The following ANKRD17 variants were observed in gnomAD, a reference collection of about 807,000 sequenced individuals.
The protein encoded by ANKRD17 is ankyrin repeat domain 17, also known as ankyrin repeat domain-containing protein 17.
In ANKRD17, 19 loss-of-function variants were observed where a neutral mutation model predicts 229.7. The ratio of observed to expected loss-of-function variants is 0.08; its 90% confidence interval spans 0.06 to 0.12. The LOEUF (loss-of-function observed/expected upper bound fraction) is 0.12, where lower values mean the gene tolerates loss of function less well. ANKRD17 is among the 10% of genes least tolerant of loss of function. The pLI, the probability that ANKRD17 is intolerant of heterozygous loss-of-function variation, is 1.00. For synonymous variants in ANKRD17, 1,112 were observed against 1,146.1 expected (o/e 0.97, Z 0.60); for missense variants, 2,176 against 3,176.8 (o/e 0.68, Z 7.57).
In ANKRD17 at chr4:73,106,823, G is replaced by A. The variant is rs530451205; in HGVS notation, c.4402-4276C>T. ...GAACCCAGGAGGCGGAGGTTGCAGT[G>A]AGCCGAGATTGCGCCATGGCCCTCC... On this transcript the variant is annotated intron_variant, in intron 24 of 33. Transcript: ENST00000358602. Among the ~76,000 whole-genome samples the A allele has an allele frequency of 5.8e-4, 82 of 140,658 alleles. 2 individuals carry two copies. In the South Asian group the frequency reaches 0.019, roughly 33 times the overall value. 92.3% of individuals were successfully genotyped at this position (140,658 alleles called of 152,430 possible).
intron 1 of ANKRD17, among the ~76,000 whole-genome samples, chr4:73,254,582 A>G (rs1013307943): frequency 6.6e-6 from 1 of 152,168 alleles, no homozygotes; most frequent in Non-Finnish European, 1.5e-5. Flanking sequence ...ACCCTGGCCA[A>G]CATGGTGAAA....
chr4:73,119,094 C>T (rs1257202590), intron 21 of ANKRD17, among the ~76,000 whole-genome samples: 1 of 151,618 alleles, frequency 6.6e-6, no homozygotes, highest in Non-Finnish European at 1.5e-5. Flanking sequence ...CCTATGTTAC[C>T]CAGGCTGGTC....
Position 73,092,150 on chromosome 4 carries a change from A to C in ANKRD17, c.5478T>G (p.Thr1826=). The C allele has an allele frequency of 6.2e-7, 1 of 1,614,178 alleles. No homozygotes were observed. Among genetic ancestry groups the C allele is most frequent in the Non-Finnish European group, 8.5e-7 (1 of 1,180,036 alleles). The part of the protein sequence containing the change: ...SKIGSSAPTT[T]AANTSLMGIK... Reference sequence around the variant, plus strand: ...TTCCCATTAAGGAAGTGTTAGCAGCAGTGGTGGTAGGTGCTGATGACCCTA... The same window carrying C: ...TTCCCATTAAGGAAGTGTTAGCAGCCGTGGTGGTAGGTGCTGATGACCCTA... Residue 1826 remains threonine, a synonymous_variant, in exon 29 of 34, where the codon ACT becomes ACG. Transcript: ENST00000358602.
chr4:73,228,900 T>C (rs758645165), intron 1 of ANKRD17, among the ~76,000 whole-genome samples: 2 of 152,228 alleles, frequency 1.3e-5, no homozygotes, highest in African/African-American at 2.4e-5. Context: ...CCAACAATGA[T>C]AGACTGGATT....
chr4:73,214,847 T>TAAAA (rs766995925), intron 1 of ANKRD17, among the ~76,000 whole-genome samples: 4 of 85,482 alleles, frequency 4.7e-5, no homozygotes, highest in South Asian at 3.7e-4. Context: ...TCGTCTCTAT[T>TAAAA]AAAAAAAAAA....
chr4:73,078,364 G>A (rs923483136), intron 31 of ANKRD17, among the ~76,000 whole-genome samples: 6 of 150,786 alleles, frequency 4.0e-5, no homozygotes, highest in Admixed American at 6.6e-5. Flanking sequence ...GTTACAGAGC[G>A]AGACTCCGTC....
chr4:73,167,684 G>A (rs1246431598), intron 2 of ANKRD17, among the ~76,000 whole-genome samples: 1 of 152,140 alleles, frequency 6.6e-6, no homozygotes, highest in Non-Finnish European at 1.5e-5. Context: ...CAAATTGCCG[G>A]AAAATGCTAA....
At chr4:73,196,871 C>T (rs1407474840) in intron 1 of ANKRD17, among the ~76,000 whole-genome samples, 1 of 152,132 alleles carries the variant, frequency 6.6e-6, no homozygotes, top group African/African-American at 2.4e-5. Flanking sequence ...ATCTGATTTA[C>T]ATTTTAAAGG....
intron 7 of ANKRD17, among the ~76,000 whole-genome samples, chr4:73,150,082 GCTTA>G (rs2148861417): frequency 6.6e-6 from 1 of 151,944 alleles, no homozygotes; most frequent in African/African-American, 2.4e-5. Flanking sequence ...AATTTTAATG[GCTTA>G]CTACTTTTTT....
At position 73,099,202 on chromosome 4, in the gene ANKRD17, C is replaced by T. The variant is rs1340277894; in HGVS notation, c.4574-682G>A. 3 of 631,626 alleles carry T rather than the reference C, an allele frequency of 4.7e-6. No homozygotes were observed. The African/African-American group carries it at 5.5e-5, about 12-fold the overall frequency. 39.1% of individuals were successfully genotyped at this position (631,626 alleles called of 1,614,324 possible). On this transcript the variant is annotated intron_variant, in intron 25 of 33. Coordinates refer to ENST00000358602, the MANE Select transcript of ANKRD17 (RefSeq NM_032217.5). ...GCAGCTTCCTTCTGGGACTGGACAG[C>T]TTTTGCTCCGCTCCCACCGCCCCCG...
chr4:73,197,343 A>C (rs897203557), intron 1 of ANKRD17, among the ~76,000 whole-genome samples: 1 of 152,240 alleles, frequency 6.6e-6, no homozygotes, highest in Non-Finnish European at 1.5e-5. Flanking sequence ...TAAACCTCCC[A>C]ATCTGTAAAA....
At chr4:73,141,220 T>C (rs928647778) in intron 14 of ANKRD17, among the ~76,000 whole-genome samples, 1 of 152,230 alleles carries the variant, frequency 6.6e-6, no homozygotes, top group South Asian at 2.1e-4. Flanking sequence ...AGAACACACA[T>C]GGTGTAACAT....
intron 1 of ANKRD17, among the ~76,000 whole-genome samples, chr4:73,187,191 A>G (rs1250598711): frequency 2.0e-5 from 3 of 152,190 alleles, no homozygotes. Context: ...TCCAAACTGT[A>G]TAATGAAATT....
rs181190978 is a variant in ANKRD17, at chr4:73,106,200, C to T, written c.4402-3653G>A. On this transcript the variant is annotated intron_variant, in intron 24 of 33. Coordinates refer to ENST00000358602, the MANE Select transcript of ANKRD17 (RefSeq NM_032217.5). The stretch of plus-strand genomic sequence containing the variant: ...CGGAGCTTGCAGTGAGCCGAGATCG[C>T]GCCACTGCACTCCAGCCTGGGCAAC... Among the ~76,000 whole-genome samples the T allele has an allele frequency of 1.1e-4, 16 of 151,878 alleles. 1 individual carries two copies. The highest frequency in any genetic ancestry group is 3.6e-4 in the African/African-American group (15 of 41,426).
At chr4:73,076,373 G>A (rs1356288537) in intron 33 of ANKRD17, 83 bp from the exon 34 acceptor site, 2 of 1,089,640 alleles carry the variant, frequency 1.8e-6, no homozygotes, top group Non-Finnish European at 2.5e-6. Flanking sequence ...AACTAAGGAG[G>A]TACTCTTCAA....
chr4:73,163,789 A>AT (rs940147271), intron 2 of ANKRD17, among the ~76,000 whole-genome samples: 46 of 152,144 alleles, frequency 3.0e-4, no homozygotes, highest in African/African-American at 7.2e-4. Flanking sequence ...CCTTTAAAAT[A>AT]TTTTTTTTCT....
intron 24 of ANKRD17, among the ~76,000 whole-genome samples, chr4:73,104,434 GT>G (rs1460132238): frequency 6.6e-6 from 1 of 152,198 alleles, no homozygotes; most frequent in Non-Finnish European, 1.5e-5. Flanking sequence ...TGTGGAACAG[GT>G]AAGTAAGTAT....
At chr4:73,148,115 A>G (rs1730529361) in intron 8 of ANKRD17, among the ~76,000 whole-genome samples, 1 of 152,220 alleles carries the variant, frequency 6.6e-6, no homozygotes, top group South Asian at 2.1e-4. Context: ...ATTCAACCTA[A>G]GAAGTCTGCT....
chr4:73,122,833 T>C (rs563484380), intron 18 of ANKRD17, among the ~76,000 whole-genome samples: 2 of 152,188 alleles, frequency 1.3e-5, no homozygotes, highest in East Asian at 1.9e-4. Flanking sequence ...ATAAACAGTA[T>C]AGTAGAAAAC....
Sources: allele counts gnomAD v4.1 joint callset (sites outside exome capture counted in the v4.1 genomes callset), GRCh38; gene constraint gnomAD v4.1.1; transcripts MANE v1.5; gene names NCBI Gene and HGNC (gene_info 2026-07-23, HGNC 2026-07-21).